Variants in MBNL1 observed in about 807,000 individuals in gnomAD.
The protein encoded by MBNL1 is muscleblind-like protein 1.
In MBNL1, 8 loss-of-function variants were observed where a neutral mutation model predicts 42.2. The ratio of observed to expected loss-of-function variants is 0.19; its 90% CI spans 0.11 to 0.34. The LOEUF (loss-of-function observed/expected upper bound fraction) is 0.34. Among genes scored for constraint, MBNL1 ranks in the 10% least tolerant of loss-of-function variants. The pLI, the probability that MBNL1 is intolerant of heterozygous loss-of-function variation, is 1.00. For missense variants in MBNL1, 309 were observed against 495.3 expected (o/e 0.62, Z 3.57); for synonymous variants, 169 against 173.9 (o/e 0.97, Z 0.22).
upstream of MBNL1, chr3:152,265,257 A>G (rs2037003018): frequency 6.6e-6 from 1 of 152,236 alleles, no homozygotes; most frequent in African/African-American, 2.4e-5. Flanking sequence ...GAAGCACAGG[A>G]CATGAGACTA....
intron 2 of MBNL1, among the ~76,000 whole-genome samples, chr3:152,342,548 A>G (rs1409520973): frequency 7.9e-6 from 1 of 126,914 alleles, no homozygotes; most frequent in Non-Finnish European, 1.7e-5. Context: ...TGGGAAACTA[A>G]ACAAAACACA....
chr3:152,282,010 A>G (rs1170219383), intron 1 of MBNL1, among the ~76,000 whole-genome samples: 1 of 152,080 alleles, frequency 6.6e-6, no homozygotes, highest in East Asian at 1.9e-4. Context: ...ATATTCCATA[A>G]ATGATTGTGA....
chr3:152,421,878 C>T (rs1317970873), intron 3 of MBNL1, among the ~76,000 whole-genome samples: 1 of 152,018 alleles, frequency 6.6e-6, no homozygotes, highest in Non-Finnish European at 1.5e-5. Context: ...CAAGTAAATG[C>T]TGAGGGATTT....
chr3:152,284,451 G>T (rs1577111238), intron 1 of MBNL1, among the ~76,000 whole-genome samples: 1 of 151,886 alleles, frequency 6.6e-6, no homozygotes, highest in Non-Finnish European at 1.5e-5. Flanking sequence ...ACATGTAAAA[G>T]AAAAAAATCC....
chr3:152,384,674 C>G (rs954785359), intron 2 of MBNL1, among the ~76,000 whole-genome samples: 9 of 152,160 alleles, frequency 5.9e-5, no homozygotes, highest in Non-Finnish European at 1.0e-4. Flanking sequence ...CCAGCATTCA[C>G]TAGCAGGTGC....
intron 2 of MBNL1, among the ~76,000 whole-genome samples, chr3:152,412,884 C>A (rs1179206208): frequency 6.6e-6 from 1 of 152,082 alleles, no homozygotes; most frequent in Admixed American, 6.5e-5. Flanking sequence ...CTCGTGGTGA[C>A]CATAACCCCT....
At chr3:152,286,311 T>C (rs1448692581) in intron 1 of MBNL1, among the ~76,000 whole-genome samples, 1 of 144,822 alleles carries the variant, frequency 6.9e-6, no homozygotes, top group African/African-American at 2.5e-5. Flanking sequence ...TATATTTTAT[T>C]TATAATACAA....
intron 2 of MBNL1, among the ~76,000 whole-genome samples, chr3:152,304,476 C>A (rs1221187545): frequency 1.3e-5 from 2 of 152,114 alleles, no homozygotes; most frequent in Admixed American, 1.3e-4. Context: ...CTATTAGGGT[C>A]CTAACTGGAA....
At chr3:152,291,931 G>A (rs2056232717) in intron 1 of MBNL1, among the ~76,000 whole-genome samples, 1 of 152,072 alleles carries the variant, frequency 6.6e-6, no homozygotes, top group African/African-American at 2.4e-5. Flanking sequence ...CACATGCCAT[G>A]CCATCATGTG....
At chr3:152,314,431 A>G (rs1310092411) in intron 2 of MBNL1, among the ~76,000 whole-genome samples, 1 of 151,218 alleles carries the variant, frequency 6.6e-6, no homozygotes, top group Non-Finnish European at 1.5e-5. Flanking sequence ...GCTGGAGTAC[A>G]ATAGCGTGAT....
At chr3:152,277,671 T>C (rs1489062049) in intron 1 of MBNL1, among the ~76,000 whole-genome samples, 2 of 152,164 alleles carry the variant, frequency 1.3e-5, no homozygotes, top group African/African-American at 4.8e-5. Flanking sequence ...TACTTACATG[T>C]CTTTTTAGTT....
At chr3:152,439,716 G>A (rs780753094) in intron 4 of MBNL1, among the ~76,000 whole-genome samples, 1 of 152,122 alleles carries the variant, frequency 6.6e-6, no homozygotes, top group Non-Finnish European at 1.5e-5. Context: ...AAGAACAGTG[G>A]TTCACACCTG....
chr3:152,353,483 C>T (rs974529307), intron 2 of MBNL1, among the ~76,000 whole-genome samples: 3 of 152,030 alleles, frequency 2.0e-5, no homozygotes, highest in African/African-American at 7.3e-5. Flanking sequence ...GGTGATTTGT[C>T]TCCTTTTTTG....
chr3:152,415,700 ACT>A lies in MBNL1; in HGVS notation c.345+592_345+593del, dbSNP rs531195775. ...GAAGAATTAATCAGGGTAGGCTGAA[ACT>A]CTGAGGGCTTAAAGAGCTAAAGTTG... On this transcript the variant is annotated intron_variant, in intron 3 of 9. Transcript: ENST00000324210. Among the ~76,000 whole-genome samples the A allele has an allele frequency of 3.0e-4, 46 of 152,236 alleles. No homozygotes were observed. The South Asian group carries it at 9.3e-3, about 31-fold the overall frequency.
At chr3:152,296,722 G>T (rs1198451971) in intron 1 of MBNL1, among the ~76,000 whole-genome samples, 1 of 151,706 alleles carries the variant, frequency 6.6e-6, no homozygotes, top group African/African-American at 2.4e-5. Context: ...ATGTTTCAGT[G>T]TGTTCATGTG....
At chr3:152,341,416 TA>T (rs1267247505) in intron 2 of MBNL1, among the ~76,000 whole-genome samples, 1 of 152,236 alleles carries the variant, frequency 6.6e-6, no homozygotes, top group Non-Finnish European at 1.5e-5. Context: ...AGTGGGAATT[TA>T]GAACACTTAA....
chr3:152,358,642 C>T (rs2095699931), intron 2 of MBNL1, among the ~76,000 whole-genome samples: 1 of 152,032 alleles, frequency 6.6e-6, no homozygotes. Context: ...TGCTTTGCTT[C>T]TTCCCTGATT....
chr3:152,348,271 T>C (rs906862608), intron 2 of MBNL1, among the ~76,000 whole-genome samples: 3 of 152,150 alleles, frequency 2.0e-5, no homozygotes, highest in African/African-American at 7.2e-5. Flanking sequence ...CAAAAAATTT[T>C]TATTTGCTCA....
chr3:152,446,559 G>A lies in MBNL1; in HGVS notation c.807+1020G>A. ...TGTTATTCGTTGTATATGGCATTCC[G>A]ATGATTTGTTTTTTTATTTGTTTTT... is the stretch of plus-strand genomic sequence containing the variant. On this transcript the variant is annotated intron_variant, in intron 5 of 9. Coordinates refer to ENST00000324210, the MANE Select transcript of MBNL1 (RefSeq NM_021038.5). The A allele has an allele frequency of 8.1e-6, 5 of 614,962 alleles. No homozygotes were observed. The South Asian group carries it at 8.2e-5, about 10-fold the overall frequency. The allele number at this position is 614,962 out of a possible 1,614,324, so 38.1% of individuals were successfully genotyped here.
Sources: gnomAD v4.1 joint callset for allele counts (sites outside exome capture counted in the v4.1 genomes callset) on GRCh38, gnomAD v4.1.1 for gene constraint, MANE v1.5 for transcripts, NCBI Gene and HGNC (gene_info 2026-07-23, HGNC 2026-07-21) for gene names.